The following SYT9 variants were observed in gnomAD, a reference collection of about 807,000 sequenced individuals.
The protein encoded by SYT9 is synaptotagmin 9, also known as synaptotagmin-9.
SYT9 carries 22 observed loss-of-function variants against 48.4 expected under a neutral mutation model. That is an observed-to-expected ratio of 0.45 (90% confidence interval 0.32 to 0.65). The LOEUF (loss-of-function observed/expected upper bound fraction) is 0.65, where lower values mean the gene tolerates loss of function less well. Among genes scored for constraint, SYT9 ranks in the 30% least tolerant of loss-of-function variants. The pLI, the probability that SYT9 is intolerant of heterozygous loss-of-function variation, is 0.03. For synonymous variants in SYT9, 265 were observed against 245.0 expected, an observed-to-expected ratio of 1.08 and a Z score of -0.76; for missense variants, 577 against 622.0, an observed-to-expected ratio of 0.93 and a Z score of 0.77.
chr11:7,440,255 A>AC (rs1165431514), intron 6 of SYT9: 1 of 152,060 alleles, frequency 6.6e-6, no homozygotes, highest in Non-Finnish European at 1.5e-5. Flanking sequence ...AAGAGTTGGA[A>AC]CCCCCCTGAG....
chr11:7,362,604 A>G (rs1850163692), intron 3 of SYT9, among the ~76,000 whole-genome samples: 1 of 152,188 alleles, frequency 6.6e-6, no homozygotes, highest in African/African-American at 2.4e-5. Flanking sequence ...AGGCTGAAAA[A>G]TTGGTAGGGT....
At chr11:7,239,039 T>C (rs988918957) in intron 1 of SYT9, 3 of 420,910 alleles carry the variant, frequency 7.1e-6, no homozygotes, top group African/African-American at 6.1e-5. Flanking sequence ...AACATGGATA[T>C]TGTTTCTGGC....
intron 1 of SYT9, among the ~76,000 whole-genome samples, chr11:7,296,813 T>C (rs1323236118): frequency 6.6e-6 from 1 of 152,164 alleles, no homozygotes; most frequent in Non-Finnish European, 1.5e-5. Flanking sequence ...TTGTGTTCAT[T>C]CTTAATACAA....
chr11:7,389,066 C>A (rs1232292716), intron 3 of SYT9, among the ~76,000 whole-genome samples: 1 of 152,178 alleles, frequency 6.6e-6, no homozygotes, highest in Admixed American at 6.6e-5. Context: ...CTTGAACCTG[C>A]ACATTCTAAA....
intron 3 of SYT9, among the ~76,000 whole-genome samples, chr11:7,372,606 C>A (rs762231096): frequency 2.6e-5 from 4 of 152,132 alleles, no homozygotes; most frequent in African/African-American, 7.2e-5. Context: ...TGGCTTCAAG[C>A]ACTCCTTTTT....
intron 6 of SYT9, among the ~76,000 whole-genome samples, chr11:7,450,063 C>G (rs151286370): frequency 2.6e-5 from 4 of 152,310 alleles, no homozygotes; most frequent in Non-Finnish European, 5.9e-5. Context: ...ACATTTTCTA[C>G]TCTATCCAGA....
At chr11:7,404,567 A>G (rs1215353448) in intron 3 of SYT9, among the ~76,000 whole-genome samples, 1 of 152,194 alleles carries the variant, frequency 6.6e-6, no homozygotes, top group African/African-American at 2.4e-5. Flanking sequence ...TATATATAGT[A>G]TAAGAAACTT....
chr11:7,252,115 C>G lies in SYT9; in HGVS notation c.-72C>G. The G allele has an allele frequency of 1.5e-6, 2 of 1,332,038 alleles. No homozygotes were observed. The highest frequency in any genetic ancestry group is 3.8e-5 in the South Asian group (2 of 51,988). 82.5% of individuals were successfully genotyped at this position (1,332,038 alleles called of 1,614,324 possible). On this transcript the variant is annotated 5_prime_UTR_variant, in exon 1 of 7. Transcript: ENST00000318881. This position sits in a 1 kb window ranked among gnomAD's most constrained non-coding sequence, Gnocchi z 6.3. ...AGCGCGGACGGCCCGGAGGCGGCGG[C>G]TCTGAGCTGGCAGGCGGAGGGCTGT...
At chr11:7,329,215 G>GTTTT (rs747607953) in intron 3 of SYT9, among the ~76,000 whole-genome samples, 2 of 151,994 alleles carry the variant, frequency 1.3e-5, no homozygotes, top group African/African-American at 2.4e-5. Context: ...ATGTTTGTTT[G>GTTTT]TTTATTCTTT....
chr11:7,342,534 G>GAGGT (rs1280340737), intron 3 of SYT9, among the ~76,000 whole-genome samples: 1 of 152,206 alleles, frequency 6.6e-6, no homozygotes, highest in Admixed American at 6.5e-5. Flanking sequence ...ACTAATGCAA[G>GAGGT]AGGTAGGTTC....
chr11:7,274,447 G>A (rs919236197), intron 1 of SYT9, among the ~76,000 whole-genome samples: 1 of 151,668 alleles, frequency 6.6e-6, no homozygotes, highest in Non-Finnish European at 1.5e-5. Flanking sequence ...CTCCCGAGTA[G>A]CTGGGATTAC....
chr11:7,427,156 G>T (rs1374981137), intron 6 of SYT9: 1 of 152,172 alleles, frequency 6.6e-6, no homozygotes, highest in Non-Finnish European at 1.5e-5. Flanking sequence ...TCGTTCTAAA[G>T]TTCCAGAATT....
intron 3 of SYT9, among the ~76,000 whole-genome samples, chr11:7,402,271 A>T (rs1846908844): frequency 6.6e-6 from 1 of 152,036 alleles, no homozygotes; most frequent in South Asian, 2.1e-4. Flanking sequence ...TTCAGTATAC[A>T]CTTGAAAAGA....
upstream of SYT9, among the ~76,000 whole-genome samples, chr11:7,251,574 G>C (rs74958530): frequency 0.024 from 3,649 of 152,270 alleles, 149 homozygotes; most frequent in African/African-American, 0.084. Flanking sequence ...CGCATCTGGC[G>C]GGTGTGCCCA....
chr11:7,386,405 A>G (rs1241330472), intron 3 of SYT9, among the ~76,000 whole-genome samples: 2 of 151,656 alleles, frequency 1.3e-5, no homozygotes, highest in African/African-American at 4.8e-5. Flanking sequence ...TCATCTGACA[A>G]AGGGCTAATA....
At chr11:7,273,968 G>A (rs1848341112) in intron 1 of SYT9, among the ~76,000 whole-genome samples, 2 of 152,138 alleles carry the variant, frequency 1.3e-5, no homozygotes, top group South Asian at 4.1e-4. Flanking sequence ...TTAAAACCTA[G>A]ATGACAGGTT....
intron 1 of SYT9, among the ~76,000 whole-genome samples, chr11:7,276,109 A>G (rs1267377887): frequency 6.6e-6 from 1 of 152,102 alleles, no homozygotes; most frequent in Non-Finnish European, 1.5e-5. Flanking sequence ...TTTTATCTTC[A>G]TGGGTGACAC....
upstream of SYT9, chr11:7,251,863 C>G (rs550409536): frequency 4.2e-6 from 1 of 240,656 alleles, no homozygotes; most frequent in East Asian, 8.0e-5. Context: ...GCCCCGCCCC[C>G]CGGCGGCCGC....
Position 7,467,506 on chromosome 11 carries a change from C to T in SYT9, c.*706C>T, listed in dbSNP as rs1848356635. The T allele has an allele frequency of 6.6e-6, 1 of 152,246 alleles. No homozygotes were observed. 9.4% of individuals were successfully genotyped at this position (152,246 alleles called of 1,614,324 possible). ...ACCAGATTTTGAGGAATCAGAGACC[C>T]CCAACACTACTCACTCAGTAGCTAG... On this transcript the variant is annotated 3_prime_UTR_variant, in exon 7 of 7. Transcript: ENST00000318881.
Sources: gnomAD v4.1 joint callset for allele counts (sites outside exome capture counted in the v4.1 genomes callset) on GRCh38, gnomAD v4.1.1 for gene constraint, Gnocchi (gnomAD v3.1) non-coding constraint, MANE v1.5 for transcripts, NCBI Gene and HGNC (gene_info 2026-07-23, HGNC 2026-07-21) for gene names.